IMPG1: variants seen among roughly 807,000 people sequenced by gnomAD.
IMPG1 encodes the protein interphotoreceptor matrix proteoglycan of 150 kDa.
Under a neutral mutation model 92.0 loss-of-function variants are expected in IMPG1, and 85 were observed. The observed-to-expected ratio is 0.92, with a 90% CI of 0.78 to 1.11. The LOEUF (loss-of-function observed/expected upper bound fraction) is 1.11, where lower values mean the gene tolerates loss of function less well. IMPG1 is among the 50% of genes least tolerant of loss of function. The pLI, the probability that IMPG1 is intolerant of heterozygous loss-of-function variation, is 0.00. For missense variants in IMPG1, 1,022 were observed against 956.0 expected, an observed-to-expected ratio of 1.07 and a Z score of -0.91; for synonymous variants, 367 against 334.1, an observed-to-expected ratio of 1.10 and a Z score of -1.08.
In IMPG1 at chr6:76,051,944, T is replaced by C. The variant is rs1384626141; in HGVS notation, c.68-9818A>G. The stretch of plus-strand genomic sequence containing the variant: ...GTGCCTACCTTCTATTCCATACGTG[T>C]ACATATGTACTGAGCCCTACCTCAT... On this transcript the variant is annotated intron_variant, in intron 1 of 16. Coordinates refer to ENST00000369950, the MANE Select transcript of IMPG1 (RefSeq NM_001563.4). 5.3e-5 allele frequency among the ~76,000 whole-genome samples: 8 copies of C among 151,716 alleles called. No individual in the cohort carries two copies. In the East Asian group the frequency reaches 1.5e-3, roughly 29 times the overall value.
At chr6:76,044,949 T>C (rs1582127065) in intron 1 of IMPG1, among the ~76,000 whole-genome samples, 1 of 152,132 alleles carries the variant, frequency 6.6e-6, no homozygotes, top group Non-Finnish European at 1.5e-5. Context: ...GGTCACAGAT[T>C]TGCCCTGTTT....
intron 8 of IMPG1, among the ~76,000 whole-genome samples, 163 bp downstream of exon 8, chr6:76,011,003 C>G (rs550290650): frequency 5.3e-5 from 8 of 152,320 alleles, no homozygotes; most frequent in Admixed American, 3.9e-4. Context: ...GAGTCATGTT[C>G]TAATTAGACA....
intron 12 of IMPG1, among the ~76,000 whole-genome samples, chr6:75,965,291 A>G (rs1335723719): frequency 6.6e-6 from 1 of 152,128 alleles, no homozygotes; most frequent in African/African-American, 2.4e-5. Context: ...GAGAGGCTGT[A>G]CTATTTTACA....
chr6:75,969,253 A>G lies in IMPG1; in HGVS notation c.1292-18159T>C, dbSNP rs942977385. Reference sequence around the variant, plus strand: ...ATCACGTGTATAACATGATGACTATAGTTAATAGCAACGTATTGTATTTTA... The same window carrying G: ...ATCACGTGTATAACATGATGACTATGGTTAATAGCAACGTATTGTATTTTA... On this transcript the variant is annotated intron_variant, in intron 12 of 16. Transcript: ENST00000369950. Among the ~76,000 whole-genome samples, 5 of 152,178 alleles carry G rather than the reference A, an allele frequency of 3.3e-5. No individual in the cohort carries two copies. In the East Asian group the frequency reaches 5.8e-4, roughly 18 times the overall value.
intron 1 of IMPG1, among the ~76,000 whole-genome samples, chr6:76,060,503 C>T (rs575831490): frequency 1.6e-4 from 24 of 152,090 alleles, no homozygotes; most frequent in Non-Finnish European, 2.8e-4. Context: ...TTGGAAGTTG[C>T]GTTGGACTCA....
chr6:75,969,259 T>A (rs973026066), intron 12 of IMPG1, among the ~76,000 whole-genome samples: 2 of 152,088 alleles, frequency 1.3e-5, no homozygotes, highest in East Asian at 1.9e-4. Context: ...CTATAGTTAA[T>A]AGCAACGTAT....
Position 76,011,508 on chromosome 6 carries a change from G to A in IMPG1, c.808-284C>T, listed in dbSNP as rs79700023. 6.4e-3 allele frequency among the ~76,000 whole-genome samples: 977 copies of A among 151,928 alleles called. 9 individuals carry two copies. Among genetic ancestry groups the A allele is most frequent in the African/African-American group, 0.022 (920 of 41,458 alleles). On this transcript the variant is annotated intron_variant, in intron 7 of 16. Transcript: ENST00000369950. ...CTGGATAGTTCTGATCTGCTCTTAC[G>A]GTTACTTTAAATAAAATATAAAATA...
intron 6 of IMPG1, among the ~76,000 whole-genome samples, chr6:76,021,272 T>C (rs1783419224): frequency 1.3e-5 from 2 of 152,176 alleles, no homozygotes; most frequent in East Asian, 3.9e-4. Flanking sequence ...TCAAATTGTC[T>C]CGCCTTTCTG....
chr6:75,964,388 G>A (rs1215238915), intron 12 of IMPG1, among the ~76,000 whole-genome samples: 6 of 151,986 alleles, frequency 3.9e-5, no homozygotes, highest in Admixed American at 2.0e-4. Context: ...TCTCCATAAA[G>A]AAAAAATAGG....
intron 1 of IMPG1, among the ~76,000 whole-genome samples, chr6:76,044,285 T>C (rs1270011774): frequency 2.0e-5 from 3 of 152,324 alleles, no homozygotes; most frequent in East Asian, 1.9e-4. Context: ...AAACTTGTCA[T>C]AGTAAAAAGT....
intron 12 of IMPG1, among the ~76,000 whole-genome samples, chr6:75,970,816 G>T (rs1424785314): frequency 6.6e-6 from 1 of 152,152 alleles, no homozygotes; most frequent in East Asian, 1.9e-4. Flanking sequence ...TGTTTTTCCA[G>T]CTCTGATTTG....
chr6:76,022,494 A>G (rs952015121), intron 5 of IMPG1, among the ~76,000 whole-genome samples: 1 of 152,172 alleles, frequency 6.6e-6, no homozygotes, highest in Non-Finnish European at 1.5e-5. Context: ...AGACCTGATT[A>G]ATTTTTTCTT....
chr6:75,932,234 G>A (rs1242156650), intron 14 of IMPG1, among the ~76,000 whole-genome samples: 2 of 152,214 alleles, frequency 1.3e-5, no homozygotes, highest in Admixed American at 6.5e-5. Flanking sequence ...AAGTTCCAGG[G>A]AAGGGCAGAG....
At position 75,951,500 on chromosome 6, in the gene IMPG1, G is replaced by A. The variant is rs913184781; in HGVS notation, c.1292-406C>T. ...GAACAGATTTAGATCCCTCATCCCC[G>A]TATAGAACTCCCAGACAACTAGGTG... On this transcript the variant is annotated intron_variant, in intron 12 of 16. Transcript: ENST00000369950. Among the ~76,000 whole-genome samples the A allele has an allele frequency of 3.3e-5, 5 of 152,098 alleles. No individual in the cohort carries two copies. In the South Asian group the frequency reaches 6.2e-4, roughly 19 times the overall value.
intron 6 of IMPG1, 128 bp from the exon 7 acceptor site, chr6:76,018,986 A>T: frequency 1.2e-6 from 1 of 853,126 alleles, no homozygotes; most frequent in African/African-American, 1.8e-5. Flanking sequence ...TGCAATCAAA[A>T]TCCTTTTAAC....
At chr6:76,040,456 C>A (rs1026292053) in intron 2 of IMPG1, among the ~76,000 whole-genome samples, 1 of 152,190 alleles carries the variant, frequency 6.6e-6, no homozygotes, top group East Asian at 1.9e-4. Flanking sequence ...ATTATCTGAT[C>A]AATGTGTAGG....
chr6:75,973,519 C>T, intron 12 of IMPG1, among the ~76,000 whole-genome samples: 1 of 152,084 alleles, frequency 6.6e-6, no homozygotes, highest in East Asian at 1.9e-4. Context: ...AGGCATAATT[C>T]TAAGCATTGT....
intron 12 of IMPG1, among the ~76,000 whole-genome samples, chr6:75,974,401 T>TTTCCTTCCTTCCTTCCTTCCTTCC (rs761519920): frequency 3.2e-5 from 3 of 92,822 alleles, no homozygotes; most frequent in Admixed American, 1.4e-4. Flanking sequence ...CTTTTCTTTC[T>TTTCCTTCCTTCCTTCCTTCCTTCC]TTCCTTCCTT....
intron 13 of IMPG1, among the ~76,000 whole-genome samples, chr6:75,949,621 G>A (rs193003282): frequency 6.6e-6 from 1 of 151,916 alleles, no homozygotes; most frequent in Non-Finnish European, 1.5e-5. Flanking sequence ...TCTTTCTTAC[G>A]TGAGATCCAA....
Sources: allele counts gnomAD v4.1 joint callset (sites outside exome capture counted in the v4.1 genomes callset), GRCh38; gene constraint gnomAD v4.1.1; transcripts MANE v1.5; gene names NCBI Gene and HGNC (gene_info 2026-07-23, HGNC 2026-07-21).